WWOX: variants seen among roughly 807,000 people sequenced by gnomAD.
WWOX encodes the protein WW domain-containing oxidoreductase.
In WWOX, 69 loss-of-function variants were observed where a neutral mutation model predicts 46.2. The ratio of observed to expected loss-of-function variants is 1.49; its 90% CI spans 1.23 to 1.82. The LOEUF is 1.82. Among genes scored for constraint, WWOX ranks in the 40% most tolerant of loss-of-function variants. The probability of loss-of-function intolerance (pLI) is 0.00; values close to 1 mark genes in which losing one functional copy is unlikely to be tolerated. For synonymous variants in WWOX, 359 were observed against 202.6 expected (o/e 1.77, Z -6.56); for missense variants, 919 against 542.6 (o/e 1.69, Z -6.89).
At chr16:78,556,697 G>A (rs1330844176) in intron 8 of WWOX, among the ~76,000 whole-genome samples, 1 of 152,046 alleles carries the variant, frequency 6.6e-6, no homozygotes, top group Non-Finnish European at 1.5e-5. Context: ...CCTGAGACCG[G>A]CAAACACATT....
At chr16:78,640,528 C>T (rs867017219) in intron 8 of WWOX, among the ~76,000 whole-genome samples, 22 of 152,058 alleles carry the variant, frequency 1.4e-4, no homozygotes, top group African/African-American at 5.1e-4. Context: ...AACAACCACC[C>T]GTGCTGAATA....
At chr16:79,178,805 C>T (rs997959954) in intron 8 of WWOX, among the ~76,000 whole-genome samples, 15 of 152,210 alleles carry the variant, frequency 9.9e-5, no homozygotes, top group African/African-American at 3.6e-4. Flanking sequence ...CAATTTTTTT[C>T]CTCTTTGCTT....
Position 78,443,260 on chromosome 16 carries a change from G to A in WWOX, c.1056+10508G>A, listed in dbSNP as rs531888162. On this transcript the variant is annotated intron_variant, in intron 8 of 8. Coordinates refer to ENST00000566780, the MANE Select transcript of WWOX (RefSeq NM_016373.4). The stretch of plus-strand genomic sequence containing the variant: ...GTGGAGGTTGCAGTGAGCTGACATC[G>A]CATCACTGCACTCCAGCCTGGGTGA... 8.6e-5 allele frequency among the ~76,000 whole-genome samples: 13 copies of A among 151,438 alleles called. No individual in the cohort carries two copies. The South Asian group carries it at 2.1e-3, about 24-fold the overall frequency.
At chr16:78,986,127 G>C (rs982622081) in intron 8 of WWOX, among the ~76,000 whole-genome samples, 3 of 152,218 alleles carry the variant, frequency 2.0e-5, no homozygotes, top group African/African-American at 7.2e-5. Flanking sequence ...ATGGAGTCAG[G>C]AGCACACATA....
chr16:78,537,489 T>C (rs1004802567), intron 8 of WWOX, among the ~76,000 whole-genome samples: 2 of 152,224 alleles, frequency 1.3e-5, no homozygotes, highest in Non-Finnish European at 1.5e-5. Context: ...CTCATTGTTT[T>C]ATCGTTTTCA....
At chr16:78,568,168 A>G (rs563213704) in intron 8 of WWOX, among the ~76,000 whole-genome samples, 59 of 152,300 alleles carry the variant, frequency 3.9e-4, no homozygotes, top group Non-Finnish European at 6.6e-4. Flanking sequence ...TGCCACTTTC[A>G]CCAAAAATCA....
chr16:78,702,783 A>G (rs2048252461), intron 8 of WWOX, among the ~76,000 whole-genome samples: 1 of 152,184 alleles, frequency 6.6e-6, no homozygotes, highest in Admixed American at 6.5e-5. Context: ...CACCTCTTGC[A>G]TGTGTATTTG....
In WWOX at chr16:79,018,026, G is replaced by T. The variant is rs113756294; in HGVS notation, c.1057-193582G>T. 4.6e-5 allele frequency among the ~76,000 whole-genome samples: 7 copies of T among 152,326 alleles called. 1 individual carries two copies. The highest frequency in any genetic ancestry group is 1.7e-4 in the African/African-American group (7 of 41,576). On this transcript the variant is annotated intron_variant, in intron 8 of 8. Transcript: ENST00000566780. The stretch of plus-strand genomic sequence containing the variant: ...ACTGGGGCTAAAGATTTGGCTTGGA[G>T]TTTCCTGGTAGTCAAGGCAAAAAAG...
chr16:78,114,889 T>C (rs140840078), intron 3 of WWOX, 87 bp from the exon 4 acceptor site: 2 of 1,565,178 alleles, frequency 1.3e-6, no homozygotes, highest in South Asian at 1.1e-5. Flanking sequence ...CTATGAAAAA[T>C]GGGGTTTTCC....
At chr16:78,687,099 T>A (rs1463234635) in intron 8 of WWOX, among the ~76,000 whole-genome samples, 1 of 151,942 alleles carries the variant, frequency 6.6e-6, no homozygotes, top group East Asian at 1.9e-4. Flanking sequence ...CATTTTTTTT[T>A]CCAATGAGAG....
chr16:78,638,120 C>T (rs190956726), intron 8 of WWOX, among the ~76,000 whole-genome samples: 1 of 152,232 alleles, frequency 6.6e-6, no homozygotes, highest in East Asian at 1.9e-4. Flanking sequence ...TAATAACTGC[C>T]CAATATCAGG....
intron 8 of WWOX, among the ~76,000 whole-genome samples, chr16:78,441,826 G>C (rs1228270569): frequency 6.6e-6 from 1 of 152,002 alleles, no homozygotes; most frequent in East Asian, 1.9e-4. Flanking sequence ...GCTTGCAGTA[G>C]AAATTAAAGA....
chr16:79,115,399 G>T (rs1290947652), intron 8 of WWOX, among the ~76,000 whole-genome samples: 1 of 152,156 alleles, frequency 6.6e-6, no homozygotes, highest in Non-Finnish European at 1.5e-5. Context: ...AGAAACTCGG[G>T]GCATGGAAGT....
intron 1 of WWOX, among the ~76,000 whole-genome samples, chr16:78,105,339 G>T (rs1233566094): frequency 6.6e-6 from 1 of 152,086 alleles, no homozygotes; most frequent in Non-Finnish European, 1.5e-5. Context: ...GCAGGTGCCT[G>T]TAATCCTAGC....
intron 5 of WWOX, among the ~76,000 whole-genome samples, chr16:78,230,116 GC>G (rs1431317409): frequency 6.6e-6 from 1 of 152,126 alleles, no homozygotes. Flanking sequence ...CTGGGCTCTA[GC>G]AATCCTCCCA....
chr16:78,157,873 T>G (rs1922618), intron 4 of WWOX, among the ~76,000 whole-genome samples: 119,866 of 152,150 alleles, frequency 0.79, 47,354 homozygotes, highest in East Asian at 0.91. Context: ...ACGAATTGGG[T>G]AAGAGGCATA....
At chr16:78,314,849 G>T (rs1490767518) in intron 5 of WWOX, among the ~76,000 whole-genome samples, 1 of 151,966 alleles carries the variant, frequency 6.6e-6, no homozygotes, top group African/African-American at 2.4e-5. Flanking sequence ...ATCACGCCTG[G>T]TGAATGGTGT....
intron 8 of WWOX, among the ~76,000 whole-genome samples, chr16:79,175,262 G>A (rs74573198): frequency 6.6e-6 from 1 of 152,202 alleles, no homozygotes; most frequent in East Asian, 1.9e-4. Context: ...AAATGTTACA[G>A]ATCAGTTTGA....
intron 8 of WWOX, among the ~76,000 whole-genome samples, chr16:79,172,355 T>A (rs148765246): frequency 1.7e-3 from 253 of 152,300 alleles, no homozygotes; most frequent in African/African-American, 5.5e-3. Flanking sequence ...CAAAGATCCA[T>A]GATTTCAGAG....
Sources: gnomAD v4.1 joint callset for allele counts (sites outside exome capture counted in the v4.1 genomes callset) on GRCh38, gnomAD v4.1.1 for gene constraint, MANE v1.5 for transcripts, NCBI Gene and HGNC (gene_info 2026-07-23, HGNC 2026-07-21) for gene names.